ANO6: variants seen among roughly 807,000 people sequenced by gnomAD.
The protein encoded by ANO6 is anoctamin-6.
In ANO6, 106 loss-of-function variants were observed where a neutral mutation model predicts 117.5. The ratio of observed to expected loss-of-function variants is 0.90; its 90% CI spans 0.77 to 1.06. The LOEUF is 1.06. Among genes scored for constraint, ANO6 ranks in the 50% least tolerant of loss-of-function variants. ANO6 has a pLI of 0.00. For synonymous variants in ANO6, 367 were observed against 385.1 expected (o/e 0.95, Z 0.55); for missense variants, 955 against 1,121.1 (o/e 0.85, Z 2.12).
chr12:45,338,879 A>T (rs1179300258), intron 3 of ANO6, among the ~76,000 whole-genome samples: 1 of 152,094 alleles, frequency 6.6e-6, no homozygotes, highest in African/African-American at 2.4e-5. Flanking sequence ...ATTCTATTTT[A>T]TCCTACTGGG....
At chr12:45,368,086 A>G (rs1941731653) in intron 9 of ANO6, among the ~76,000 whole-genome samples, 1 of 152,212 alleles carries the variant, frequency 6.6e-6, no homozygotes, top group African/African-American at 2.4e-5. Flanking sequence ...AACCCATTTT[A>G]TCTTATAAAT....
intron 1 of ANO6, among the ~76,000 whole-genome samples, chr12:45,265,636 T>C (rs1938190830): frequency 6.6e-6 from 1 of 152,168 alleles, no homozygotes; most frequent in South Asian, 2.1e-4. Flanking sequence ...CCAGTTAACC[T>C]TCCCGATTCT....
intron 1 of ANO6, among the ~76,000 whole-genome samples, chr12:45,233,607 C>G (rs1422904147): frequency 1.3e-5 from 2 of 152,108 alleles, no homozygotes; most frequent in East Asian, 3.8e-4. Context: ...CCCTCTATTC[C>G]TAGTACTGCT....
At chr12:45,246,406 T>C (rs1947825766) in intron 1 of ANO6, among the ~76,000 whole-genome samples, 1 of 152,168 alleles carries the variant, frequency 6.6e-6, no homozygotes, top group African/African-American at 2.4e-5. Context: ...GCTGGAAGTA[T>C]TTCTACATTT....
intron 1 of ANO6, among the ~76,000 whole-genome samples, chr12:45,221,066 G>GT (rs1350172588): frequency 9.3e-5 from 14 of 151,056 alleles, no homozygotes; most frequent in Non-Finnish European, 2.1e-4. Flanking sequence ...AAGTGGGGGG[G>GT]GGCAGCCTTG....
At chr12:45,372,413 A>G (rs2137524568) in intron 9 of ANO6, among the ~76,000 whole-genome samples, 1 of 143,230 alleles carries the variant, frequency 7.0e-6, no homozygotes, top group South Asian at 2.4e-4. Context: ...TAATTGTCAG[A>G]TTCACCAAAG....
intron 1 of ANO6, among the ~76,000 whole-genome samples, chr12:45,266,107 T>C (rs772740615): frequency 1.8e-4 from 27 of 152,236 alleles, no homozygotes; most frequent in Non-Finnish European, 2.6e-4. Flanking sequence ...TCTGAATGTC[T>C]GTAGCCTGAA....
intron 7 of ANO6, among the ~76,000 whole-genome samples, chr12:45,352,727 CAA>C (rs34198115): frequency 3.2e-4 from 38 of 118,116 alleles, no homozygotes; most frequent in Non-Finnish European, 2.8e-4. Flanking sequence ...ACCCTGTCTC[CAA>C]AAAAAAAAAA....
At chr12:45,364,007 C>G (rs180751607) in intron 8 of ANO6, among the ~76,000 whole-genome samples, 1 of 152,280 alleles carries the variant, frequency 6.6e-6, no homozygotes, top group East Asian at 1.9e-4. Context: ...CAGATTCTTT[C>G]AGATTTTATT....
At chr12:45,317,808 G>A (rs1273427889) in intron 2 of ANO6, among the ~76,000 whole-genome samples, 2 of 152,078 alleles carry the variant, frequency 1.3e-5, no homozygotes, top group Admixed American at 6.6e-5. Flanking sequence ...TTTAATGATC[G>A]CCATTCTAAC....
intron 1 of ANO6, among the ~76,000 whole-genome samples, chr12:45,234,590 CTGACACTGATG>C (rs1947619385): frequency 6.6e-6 from 1 of 152,188 alleles, no homozygotes; most frequent in African/African-American, 2.4e-5. Flanking sequence ...AGGGAAGTTA[CTGACACTGATG>C]TTGGTTTCTT....
intron 2 of ANO6, 101 bp from the exon 3 acceptor site, chr12:45,331,192 TTC>T: frequency 1.9e-6 from 2 of 1,060,868 alleles, no homozygotes; most frequent in Non-Finnish European, 2.7e-6. Flanking sequence ...GTGGATGTAT[TTC>T]TCTTTCACAA....
chr12:45,315,786 C>G lies in ANO6; in HGVS notation c.150+13693C>G, dbSNP rs139339955. ...TGTTGATAAATGTAATCATCATCCT[C>G]TCAGCCGCTCAAGCCAGAAACCTCA... On this transcript the variant is annotated intron_variant, in intron 2 of 19. Transcript: ENST00000320560. Among the ~76,000 whole-genome samples the G allele has an allele frequency of 9.6e-4, 146 of 152,222 alleles. 1 individual carries two copies. The highest frequency in any genetic ancestry group is 3.1e-3 in the African/African-American group (130 of 41,552).
intron 1 of ANO6, among the ~76,000 whole-genome samples, chr12:45,277,154 A>G (rs1251552727): frequency 2.0e-5 from 3 of 151,960 alleles, no homozygotes; most frequent in Non-Finnish European, 4.4e-5. Flanking sequence ...AACTTTCCCA[A>G]CCCCATTCCC....
At chr12:45,239,475 T>G (rs1313691766) in intron 1 of ANO6, among the ~76,000 whole-genome samples, 2 of 151,236 alleles carry the variant, frequency 1.3e-5, no homozygotes, top group African/African-American at 4.9e-5. Flanking sequence ...ATTTTGTTGA[T>G]CTTTTCAGAA....
chr12:45,392,393 G>C (rs1189534892), intron 12 of ANO6, among the ~76,000 whole-genome samples: 1 of 152,106 alleles, frequency 6.6e-6, no homozygotes, highest in African/African-American at 2.4e-5. Context: ...AAGGCCTAAT[G>C]CATCCAGACT....
intron 1 of ANO6, among the ~76,000 whole-genome samples, chr12:45,255,818 G>GTTTTTTTGTTTTTTTTTT (rs1555161289): frequency 1.2e-5 from 1 of 81,712 alleles, no homozygotes; most frequent in Admixed American, 1.4e-4. Context: ...CTCCCTGGGT[G>GTTTTTTTGTTTTTTTTTT]TTTTTTTTTT....
intron 1 of ANO6, among the ~76,000 whole-genome samples, chr12:45,219,163 T>A (rs531921489): frequency 6.6e-6 from 1 of 152,158 alleles, no homozygotes; most frequent in African/African-American, 2.4e-5. Context: ...ATGGCCTAAT[T>A]TGCAAGAGAC....
rs1375841036 is a variant in ANO6, at chr12:45,266,001, T to C, written c.71-36013T>C. ...GGCAGACCTGAACATAAATCACTTCTCCTTAGCTTTTATTTCTAATCCCAG... is the reference window on the plus strand; with the variant it reads ...GGCAGACCTGAACATAAATCACTTCCCCTTAGCTTTTATTTCTAATCCCAG... On this transcript the variant is annotated intron_variant, in intron 1 of 19. Transcript: ENST00000320560. Among the ~76,000 whole-genome samples the C allele has an allele frequency of 4.6e-5, 7 of 152,212 alleles. No individual in the cohort carries two copies. The East Asian group carries it at 1.3e-3, about 29-fold the overall frequency.
Sources: gnomAD v4.1 joint callset for allele counts (sites outside exome capture counted in the v4.1 genomes callset) on GRCh38, gnomAD v4.1.1 for gene constraint, MANE v1.5 for transcripts, NCBI Gene and HGNC (gene_info 2026-07-23, HGNC 2026-07-21) for gene names.